The following MAF variants were observed in gnomAD, a reference collection of about 807,000 sequenced individuals.
MAF encodes the protein transcription factor Maf.
MAF carries 10 observed loss-of-function variants against 22.0 expected under a neutral mutation model. That is an observed-to-expected ratio of 0.45 (90% CI 0.28 to 0.77). The LOEUF (loss-of-function observed/expected upper bound fraction) is 0.77. MAF is among the 30% of genes least tolerant of loss of function. The probability of loss-of-function intolerance (pLI) is 0.12; values close to 1 mark genes in which losing one functional copy is unlikely to be tolerated. For missense variants in MAF, 544 were observed against 548.4 expected (o/e 0.99, Z 0.08); for synonymous variants, 337 against 255.8 (o/e 1.32, Z -3.03).
At chr16:79,532,503 T>C in the MAF span, among the ~76,000 whole-genome samples, 3 of 152,258 alleles carry the variant, frequency 2.0e-5, no homozygotes, top group African/African-American at 7.2e-5. Flanking sequence ...AACTGCTCAG[T>C]AGCCAAATGG....
At chr16:79,274,068 C>T in the MAF span, among the ~76,000 whole-genome samples, 1 of 151,286 alleles carries the variant, frequency 6.6e-6, no homozygotes, top group African/African-American at 2.4e-5. Flanking sequence ...AATTCTCCTG[C>T]CTCAGCCTCC....
At chr16:79,541,667 T>G in the MAF span, among the ~76,000 whole-genome samples, 4 of 147,932 alleles carry the variant, frequency 2.7e-5, no homozygotes, top group African/African-American at 7.5e-5. Flanking sequence ...TTTTAGTTTT[T>G]TTTTTTTTTT....
At chr16:79,380,749 G>C in the MAF span, among the ~76,000 whole-genome samples, 1 of 152,214 alleles carries the variant, frequency 6.6e-6, no homozygotes, top group Non-Finnish European at 1.5e-5. Context: ...CATAGAGCTA[G>C]TATAATAAAT....
At chr16:79,473,173 G>A in the MAF span, among the ~76,000 whole-genome samples, 613 of 152,228 alleles carry the variant, frequency 4.0e-3, 2 homozygotes, top group African/African-American at 0.014. Context: ...CAGACACATC[G>A]TGGGAGGAAC....
At chr16:79,220,685 C>T in the MAF span, among the ~76,000 whole-genome samples, 1 of 152,050 alleles carries the variant, frequency 6.6e-6, no homozygotes, top group East Asian at 1.9e-4. Context: ...ATTTTCTTAA[C>T]ATCAGTTCCA....
chr16:79,356,153 T>C, the MAF span, among the ~76,000 whole-genome samples: 2 of 149,952 alleles, frequency 1.3e-5, no homozygotes, highest in African/African-American at 4.9e-5. Flanking sequence ...CACTCACAAA[T>C]GCATGCATTC....
chr16:79,394,700 G>A, the MAF span, among the ~76,000 whole-genome samples: 122 of 152,252 alleles, frequency 8.0e-4, no homozygotes, highest in African/African-American at 2.9e-3. Flanking sequence ...TGGAATCGCT[G>A]GGGCACCTTT....
chr16:79,419,912 GA>G, the MAF span, among the ~76,000 whole-genome samples: 32,014 of 146,894 alleles, frequency 0.22, 5,277 homozygotes, highest in African/African-American at 0.46. Context: ...AAATCTCCCG[GA>G]AAAAAAAAAA....
the MAF span, among the ~76,000 whole-genome samples, chr16:79,562,891 T>C: frequency 3.9e-4 from 59 of 152,188 alleles, no homozygotes; most frequent in Non-Finnish European, 8.1e-4. Flanking sequence ...ACAGAGTAGA[T>C]CTTTCCCTTC....
At chr16:79,361,980 G>A in the MAF span, among the ~76,000 whole-genome samples, 1 of 152,200 alleles carries the variant, frequency 6.6e-6, no homozygotes, top group East Asian at 1.9e-4. Flanking sequence ...ATTCTGCCAA[G>A]ACAGAGATCG....
chr16:79,450,297 T>C, the MAF span, among the ~76,000 whole-genome samples: 475 of 152,330 alleles, frequency 3.1e-3, 4 homozygotes, highest in African/African-American at 0.011. Context: ...GAAATTGTCT[T>C]TTATTGGCTC....
At chr16:79,409,182 T>C in the MAF span, among the ~76,000 whole-genome samples, 668 of 152,282 alleles carry the variant, frequency 4.4e-3, 8 homozygotes, top group African/African-American at 0.015. Flanking sequence ...CCTTATAAAT[T>C]GGGCTTGTAT....
the MAF span, among the ~76,000 whole-genome samples, chr16:79,556,790 T>C: frequency 2.6e-5 from 4 of 152,292 alleles, no homozygotes; most frequent in South Asian, 8.3e-4. Context: ...TATCTATGCC[T>C]CAATTTACAC....
At chr16:79,228,944 G>C in the MAF span, among the ~76,000 whole-genome samples, 5 of 151,850 alleles carry the variant, frequency 3.3e-5, no homozygotes, top group African/African-American at 4.8e-5. Context: ...GACAGGGCAC[G>C]GTGGGGAATG....
the MAF span, among the ~76,000 whole-genome samples, chr16:79,578,713 T>C: frequency 6.6e-6 from 1 of 152,188 alleles, no homozygotes; most frequent in Non-Finnish European, 1.5e-5. Flanking sequence ...GAGAAATAGA[T>C]AAATAAATTT....
chr16:79,508,631 C>A, the MAF span, among the ~76,000 whole-genome samples: 10 of 152,330 alleles, frequency 6.6e-5, 1 homozygote, highest in South Asian at 4.1e-4. Flanking sequence ...CCTACCAGAG[C>A]CCACTTTCCT....
chr16:79,547,896 G>A, the MAF span, among the ~76,000 whole-genome samples: 3 of 138,532 alleles, frequency 2.2e-5, no homozygotes, highest in East Asian at 6.4e-4. Context: ...GTGTGTGTGT[G>A]TGTGTGAGAG....
chr16:79,539,458 C>T, the MAF span, among the ~76,000 whole-genome samples: 9 of 152,116 alleles, frequency 5.9e-5, no homozygotes, highest in African/African-American at 9.7e-5. Flanking sequence ...GAGCCGAGAT[C>T]GCGCCACTGC....
rs145798231 is a variant in MAF, at chr16:79,599,794, C to T, written c.109G>A (p.Val37Met). Residue 37 changes from valine (V) to methionine (M), a missense_variant, in exon 1 of 2, where the codon GTG (valine) becomes ATG (methionine). Transcript: ENST00000326043. ...TGGCTGATGATGCGGTCGGTCTCCACCGGTTCCTTTTTCACTTCAAACTTC... is the reference window on the plus strand; with the variant it reads ...TGGCTGATGATGCGGTCGGTCTCCATCGGTTCCTTTTTCACTTCAAACTTC... ...LMKFEVKKEP[V>M]ETDRIISQCG... 1.5e-4 allele frequency: 247 copies of T among 1,613,032 alleles called. No homozygotes were observed. Among genetic ancestry groups the T allele is most frequent in the Non-Finnish European group, 2.0e-4 (241 of 1,179,956 alleles).
Sources: gnomAD v4.1 joint callset for allele counts (sites outside exome capture counted in the v4.1 genomes callset) on GRCh38, gnomAD v4.1.1 for gene constraint, MANE v1.5 for transcripts, NCBI Gene and HGNC (gene_info 2026-07-23, HGNC 2026-07-21) for gene names.